CDC73: variants seen among roughly 807,000 people sequenced by gnomAD.
CDC73 encodes cell division cycle 73.
Under a neutral mutation model 83.7 loss-of-function variants are expected in CDC73, and 21 were observed. The ratio of observed to expected loss-of-function variants is 0.25; its 90% CI spans 0.18 to 0.36. CDC73 has a LOEUF of 0.36. Among genes scored for constraint, CDC73 ranks in the 10% least tolerant of loss-of-function variants. The pLI is 1.00. For missense variants in CDC73, 342 were observed against 653.3 expected, an observed-to-expected ratio of 0.52 and a Z score of 5.19; for synonymous variants, 224 against 212.9, an observed-to-expected ratio of 1.05 and a Z score of -0.45.
At chr1:193,228,278 G>C (rs949388753) in intron 13 of CDC73, among the ~76,000 whole-genome samples, 4 of 152,168 alleles carry the variant, frequency 2.6e-5, no homozygotes, top group African/African-American at 7.2e-5. Context: ...GCAATTCCTA[G>C]TTTCATCAGT....
At chr1:193,155,424 CTT>C (rs1023437954) in intron 10 of CDC73, among the ~76,000 whole-genome samples, 1 of 152,136 alleles carries the variant, frequency 6.6e-6, no homozygotes, top group African/African-American at 2.4e-5. Context: ...TGATAGATAA[CTT>C]TTCCAAGTTT....
At chr1:193,180,402 A>G (rs891770080) in intron 10 of CDC73, 7 of 1,613,960 alleles carry the variant, frequency 4.3e-6, no homozygotes, top group Non-Finnish European at 5.9e-6. Flanking sequence ...TCAGTTCACT[A>G]GGCTGGAACT....
intron 10 of CDC73, among the ~76,000 whole-genome samples, chr1:193,163,974 C>T (rs532844260): frequency 4.6e-5 from 7 of 152,206 alleles, no homozygotes; most frequent in African/African-American, 7.2e-5. Flanking sequence ...GATGGGGTTT[C>T]GCCATGTTGG....
At chr1:193,131,294 C>G in intron 3 of CDC73, among the ~76,000 whole-genome samples, 1 of 152,188 alleles carries the variant, frequency 6.6e-6, no homozygotes, top group South Asian at 2.1e-4. Context: ...CCTGCAGTTG[C>G]TTAGGCCAGA....
intron 10 of CDC73, among the ~76,000 whole-genome samples, chr1:193,198,741 A>G (rs559739379): frequency 1.2e-4 from 18 of 152,348 alleles, no homozygotes; most frequent in South Asian, 1.0e-3. Flanking sequence ...TCTTCAAATC[A>G]GAGGTTACAA....
intron 13 of CDC73, among the ~76,000 whole-genome samples, chr1:193,226,358 A>G (rs1359054967): frequency 6.6e-6 from 1 of 152,112 alleles, no homozygotes; most frequent in Non-Finnish European, 1.5e-5. Context: ...TGAAGAGAAG[A>G]GAATGAAATG....
intron 7 of CDC73, 54 bp downstream of exon 7, chr1:193,142,120 C>T (rs1186650667): frequency 3.0e-5 from 40 of 1,327,554 alleles, no homozygotes; most frequent in Middle Eastern, 1.8e-4. Context: ...AGAGAGAGTG[C>T]GTTTAATCTG....
intron 6 of CDC73, among the ~76,000 whole-genome samples, chr1:193,140,175 G>A (rs976366241): frequency 6.6e-6 from 1 of 152,056 alleles, no homozygotes; most frequent in Non-Finnish European, 1.5e-5. Context: ...GCAGTCATAG[G>A]GCTTACCTTG....
intron 3 of CDC73, among the ~76,000 whole-genome samples, chr1:193,132,725 G>A (rs905357429): frequency 1.1e-4 from 17 of 151,256 alleles, no homozygotes; most frequent in Admixed American, 8.6e-4. Context: ...TTGTTTGTTT[G>A]TTTTTGGCTT....
chr1:193,126,685 A>G (rs191293146), intron 2 of CDC73, among the ~76,000 whole-genome samples: 44 of 152,346 alleles, frequency 2.9e-4, no homozygotes, highest in Non-Finnish European at 3.2e-4. Context: ...GCTTACAAGT[A>G]TACACTTAAA....
Position 193,251,840 on chromosome 1 carries a change from CTTTG to C in CDC73, c.*1132_*1135del, listed in dbSNP as rs1031840615. On this transcript the variant is annotated 3_prime_UTR_variant, in exon 17 of 17. Coordinates refer to ENST00000367435, the MANE Select transcript of CDC73 (RefSeq NM_024529.5). ...CCATTTGCCTTGAACCTTGATTTCA[CTTTG>C]TTTTTTTTTTTTCCTTAAAGGCAAC... The C allele has an allele frequency of 5.2e-5, 12 of 229,816 alleles. No homozygotes were observed. Among genetic ancestry groups the C allele is most frequent in the African/African-American group, 1.3e-4 (6 of 44,908 alleles). 14.2% of individuals were successfully genotyped at this position (229,816 alleles called of 1,614,324 possible).
chr1:193,228,842 G>C (rs1677608185), intron 13 of CDC73, among the ~76,000 whole-genome samples: 1 of 151,788 alleles, frequency 6.6e-6, no homozygotes, highest in Non-Finnish European at 1.5e-5. Flanking sequence ...AAAATAAAAA[G>C]GCCAGCCACA....
chr1:193,162,847 A>G (rs1291670835), intron 10 of CDC73, among the ~76,000 whole-genome samples: 2 of 152,142 alleles, frequency 1.3e-5, no homozygotes, highest in African/African-American at 4.8e-5. Context: ...GTGTGGTGCC[A>G]TAAATATTCT....
At chr1:193,191,161 G>C (rs924153010) in intron 10 of CDC73, among the ~76,000 whole-genome samples, 2 of 152,160 alleles carry the variant, frequency 1.3e-5, no homozygotes, top group African/African-American at 4.8e-5. Flanking sequence ...TGTACAGTGA[G>C]GGAAGCTTGT....
At chr1:193,219,920 C>T (rs1334972833) in intron 13 of CDC73, among the ~76,000 whole-genome samples, 3 of 152,134 alleles carry the variant, frequency 2.0e-5, no homozygotes, top group African/African-American at 7.2e-5. Context: ...GGGTTTTATT[C>T]TGGTCTTGAT....
intron 15 of CDC73, among the ~76,000 whole-genome samples, chr1:193,246,058 T>C (rs1185684014): frequency 2.6e-5 from 4 of 152,196 alleles, no homozygotes; most frequent in African/African-American, 9.6e-5. Context: ...TTTGCAGATA[T>C]TTTCTCCCAT....
intron 5 of CDC73, among the ~76,000 whole-genome samples, chr1:193,136,029 C>T (rs1265240280): frequency 1.3e-5 from 2 of 151,850 alleles, no homozygotes; most frequent in Admixed American, 6.6e-5. Context: ...CCACCATGCC[C>T]AGTTAATTTT....
intron 10 of CDC73, chr1:193,186,409 A>G (rs1179483870): frequency 6.6e-6 from 1 of 152,490 alleles, no homozygotes; most frequent in East Asian, 1.9e-4. Flanking sequence ...TATTTCTACT[A>G]ATAACACTGA....
At chr1:193,158,201 G>A (rs1158484100) in intron 10 of CDC73, among the ~76,000 whole-genome samples, 1 of 151,878 alleles carries the variant, frequency 6.6e-6, no homozygotes, top group East Asian at 1.9e-4. Flanking sequence ...TAATTGGGGT[G>A]TTTTTGCAAC....
Sources: gnomAD v4.1 joint callset for allele counts (sites outside exome capture counted in the v4.1 genomes callset) on GRCh38, gnomAD v4.1.1 for gene constraint, MANE v1.5 for transcripts, NCBI Gene and HGNC (gene_info 2026-07-23, HGNC 2026-07-21) for gene names.